TTC3: variants seen among roughly 807,000 people sequenced by gnomAD.
TTC3 encodes E3 ubiquitin-protein ligase TTC3.
Under a neutral mutation model 249.6 loss-of-function variants are expected in TTC3, and 180 were observed. The ratio of observed to expected loss-of-function variants is 0.72; its 90% confidence interval spans 0.64 to 0.82. The LOEUF is 0.82. Among genes scored for constraint, TTC3 ranks in the 40% least tolerant of loss-of-function variants. TTC3 has a pLI of 0.00. For missense variants in TTC3, 2,061 were observed against 2,398.4 expected, an observed-to-expected ratio of 0.86 and a Z score of 2.94; for synonymous variants, 717 against 805.0, an observed-to-expected ratio of 0.89 and a Z score of 1.85.
chr21:37,146,133 G>A (rs978212455), intron 21 of TTC3, among the ~76,000 whole-genome samples: 1 of 152,214 alleles, frequency 6.6e-6, no homozygotes, highest in African/African-American at 2.4e-5. Flanking sequence ...TTCGTGAGCT[G>A]ATAAATGGGT....
In TTC3 at chr21:37,088,147, TA is replaced by T. The variant is rs754005025; in HGVS notation, c.188-42del. The T allele has an allele frequency of 4.1e-5, 60 of 1,462,776 alleles. No individual in the cohort carries two copies. In the East Asian group the frequency reaches 6.5e-4, roughly 16 times the overall value. The allele number at this position is 1,462,776 out of a possible 1,614,324, so 90.6% of individuals were successfully genotyped here. A position where few individuals can be genotyped will look rare whatever the true frequency, so the allele number is the denominator to read the frequency against. The stretch of plus-strand genomic sequence containing the variant: ...TTTTTACTATTAAGTGTTGATTCAT[TA>T]AAAAAATGAGGCACAAACATTAATT... On this transcript the variant is annotated intron_variant, in intron 3 of 45. Coordinates refer to ENST00000355666, the Ensembl canonical transcript of TTC3.
At position 37,122,036 on chromosome 21, in the gene TTC3, G is replaced by A. The variant is rs1445560041; in HGVS notation, c.1063+57G>A. The A allele has an allele frequency of 6.0e-6, 9 of 1,496,616 alleles. No homozygotes were observed. In the Admixed American group the frequency reaches 1.3e-4, roughly 22 times the overall value. 92.7% of individuals were successfully genotyped at this position (1,496,616 alleles called of 1,614,324 possible). A position where few individuals can be genotyped will look rare whatever the true frequency, so the allele number is the denominator to read the frequency against. On this transcript the variant is annotated intron_variant, in intron 12 of 45. Transcript: ENST00000355666. The stretch of plus-strand genomic sequence containing the variant: ...CTTAATTCCCTTTCAAACTTTGGAG[G>A]GTGGGTTTCTTGGATTAACAGAGGA...
chr21:37,073,563 G>A, intron 1 of TTC3, 90 bp downstream of exon 1: 1 of 944,994 alleles, frequency 1.1e-6, no homozygotes, highest in Non-Finnish European at 1.3e-6. Flanking sequence ...ATGAGGGGGT[G>A]TGGCCGCCAT....
intron 30 of TTC3, 46 bp downstream of exon 30, chr21:37,160,904 T>C (rs1163147082): frequency 6.4e-7 from 1 of 1,568,482 alleles, no homozygotes; most frequent in Non-Finnish European, 8.7e-7. Flanking sequence ...CTCTCCAAAA[T>C]AGTTAGTTGG....
intron 10 of TTC3, among the ~76,000 whole-genome samples, chr21:37,107,178 A>G (rs1179545755): frequency 6.6e-6 from 1 of 152,024 alleles, no homozygotes; most frequent in African/African-American, 2.4e-5. Context: ...AGAGTGATGA[A>G]TTAGCATAAA....
At chr21:37,118,329 CCTT>C (rs1281544562) in intron 11 of TTC3, among the ~76,000 whole-genome samples, 1 of 151,908 alleles carries the variant, frequency 6.6e-6, no homozygotes, top group Admixed American at 6.6e-5. Context: ...ACATTTTTTT[CCTT>C]CTTCTTAATG....
chr21:37,140,737 A>G, intron 20 of TTC3, 64 bp downstream of exon 20: 2 of 1,120,828 alleles, frequency 1.8e-6, no homozygotes, highest in South Asian at 1.5e-5. Flanking sequence ...CAATGTGATA[A>G]TGATCCATTT....
chr21:37,107,079 T>G (rs2075151041), intron 10 of TTC3, among the ~76,000 whole-genome samples: 1 of 150,750 alleles, frequency 6.6e-6, no homozygotes, highest in Non-Finnish European at 1.5e-5. Flanking sequence ...CTAGTTGGTT[T>G]TTTTTTTTTT....
chr21:37,081,415 CTATT>C (rs1392290251), intron 1 of TTC3, among the ~76,000 whole-genome samples: 1 of 152,000 alleles, frequency 6.6e-6, no homozygotes, highest in African/African-American at 2.4e-5. Context: ...TGCACCCAGC[CTATT>C]TATGCGTTTT....
At chr21:37,127,102 G>A (rs564543418) in intron 15 of TTC3, among the ~76,000 whole-genome samples, 36 of 152,106 alleles carry the variant, frequency 2.4e-4, no homozygotes, top group Non-Finnish European at 2.9e-4. Context: ...CAATCCTCTC[G>A]CCTTGGCCTC....
chr21:37,114,509 A>G (rs1007520755), intron 11 of TTC3, among the ~76,000 whole-genome samples: 3 of 152,186 alleles, frequency 2.0e-5, no homozygotes, highest in Non-Finnish European at 2.9e-5. Context: ...TTAGAATGGC[A>G]ATCATTAAAA....
intron 10 of TTC3, among the ~76,000 whole-genome samples, chr21:37,106,816 G>C (rs1268486769): frequency 6.6e-6 from 1 of 152,192 alleles, no homozygotes; most frequent in Non-Finnish European, 1.5e-5. Context: ...AGGAGCGCTT[G>C]AGCCTGTGAT....
chr21:37,142,778 G>A (rs549566085), intron 20 of TTC3, among the ~76,000 whole-genome samples: 11 of 152,122 alleles, frequency 7.2e-5, no homozygotes, highest in African/African-American at 9.7e-5. Context: ...AAAAGAGCCC[G>A]CATTGCCAAG....
In TTC3 at chr21:37,150,179, TA is replaced by T. The variant is rs1167401624; in HGVS notation, c.2211+12del. ...GTGAAGTTAAATGTGAAGTAAGTAA[TA>T]AAGGGGAAACCTTGTTAGATAGATA... On this transcript the variant is annotated intron_variant, in intron 24 of 45. Coordinates refer to ENST00000355666, the Ensembl canonical transcript of TTC3. 6.2e-7 allele frequency: 1 copy of T among 1,600,426 alleles called. No individual in the cohort carries two copies. Among genetic ancestry groups the T allele is most frequent in the African/African-American group, 1.3e-5 (1 of 74,588 alleles).
At chr21:37,162,568 G>A (rs2080859542) in intron 31 of TTC3, among the ~76,000 whole-genome samples, 1 of 151,930 alleles carries the variant, frequency 6.6e-6, no homozygotes, top group Non-Finnish European at 1.5e-5. Context: ...GTGAGTAGCA[G>A]TAACCTTTTT....
intron 44 of TTC3, among the ~76,000 whole-genome samples, chr21:37,198,929 A>C (rs2085208547): frequency 6.6e-6 from 1 of 151,986 alleles, no homozygotes; most frequent in African/African-American, 2.4e-5. Context: ...GAAATAGAAA[A>C]CGGTCAAGTT....
At chr21:37,150,935 A>AT in intron 25 of TTC3, 51 bp downstream of exon 25, 2 of 1,275,302 alleles carry the variant, frequency 1.6e-6, no homozygotes, top group Non-Finnish European at 2.2e-6. Flanking sequence ...CTTAGAATAT[A>AT]ATTCTATTAA....
At chr21:37,081,924 G>A (rs1373779686) in intron 1 of TTC3, 1 of 150,404 alleles carries the variant, frequency 6.6e-6, no homozygotes, top group Admixed American at 6.6e-5. Flanking sequence ...GAGTGCAGAG[G>A]CGCGATCTCA....
At chr21:37,139,906 A>G (rs2078280398) in intron 19 of TTC3, among the ~76,000 whole-genome samples, 1 of 152,182 alleles carries the variant, frequency 6.6e-6, no homozygotes, top group African/African-American at 2.4e-5. Context: ...CTCCTTTGGA[A>G]CTGGCCTCAA....
Sources: allele counts gnomAD v4.1 joint callset (sites outside exome capture counted in the v4.1 genomes callset), GRCh38; gene constraint gnomAD v4.1.1; transcripts MANE v1.5; gene names NCBI Gene and HGNC (gene_info 2026-07-23, HGNC 2026-07-21).